The following GMDS variants were observed in gnomAD, a reference collection of about 807,000 sequenced individuals.
The protein encoded by GMDS is GDP-mannose 4,6 dehydratase.
In GMDS, 20 loss-of-function variants were observed where a neutral mutation model predicts 49.9. The observed-to-expected ratio is 0.40, with a 90% confidence interval of 0.28 to 0.58. The LOEUF is 0.58. Ranked by LOEUF, GMDS falls within the 20% of genes least tolerant of loss-of-function variation. The pLI, the probability that GMDS is intolerant of heterozygous loss-of-function variation, is 0.42. For missense variants in GMDS, 362 were observed against 481.4 expected, an observed-to-expected ratio of 0.75 and a Z score of 2.32; for synonymous variants, 177 against 178.6, an observed-to-expected ratio of 0.99 and a Z score of 0.07.
In GMDS at chr6:1,623,991, C is replaced by CCGGCTGCTACAAACCT. The variant is rs1462685856; in HGVS notation, c.*162_*177dup. 3 of 581,916 alleles carry CCGGCTGCTACAAACCT rather than the reference C, an allele frequency of 5.2e-6. No individual in the cohort carries two copies. Among genetic ancestry groups the CCGGCTGCTACAAACCT allele is most frequent in the Non-Finnish European group, 9.1e-6 (3 of 329,006 alleles). 36.0% of individuals were successfully genotyped at this position (581,916 alleles called of 1,614,324 possible). On this transcript the variant is annotated 3_prime_UTR_variant, in exon 11 of 11. Coordinates refer to ENST00000380815, the MANE Select transcript of GMDS (RefSeq NM_001500.4). Reference sequence around the variant, plus strand: ...GACCCAAACCCTGGAGGGTCACATCCCGGCTGCTACAAACCTCGGCGGGGC... The same window carrying CCGGCTGCTACAAACCT: ...GACCCAAACCCTGGAGGGTCACATCCCGGCTGCTACAAACCTCGGCTGCTACAAACCTCGGCGGGGC...
At chr6:2,227,667 T>C (rs1381686184) in intron 1 of GMDS, among the ~76,000 whole-genome samples, 2 of 152,144 alleles carry the variant, frequency 1.3e-5, no homozygotes, top group African/African-American at 2.4e-5. Context: ...GCTGGAACTA[T>C]AGGAAGGAGC....
chr6:2,069,761 A>G (rs1461356104), intron 4 of GMDS, among the ~76,000 whole-genome samples: 5 of 152,152 alleles, frequency 3.3e-5, no homozygotes, highest in African/African-American at 4.8e-5. Flanking sequence ...TAAAAAGTCA[A>G]GAAACAACAG....
chr6:1,752,633 A>T (rs1767779282), intron 7 of GMDS, among the ~76,000 whole-genome samples: 1 of 152,220 alleles, frequency 6.6e-6, no homozygotes, highest in Admixed American at 6.5e-5. Flanking sequence ...GGGCAGTCAG[A>T]GAGAAAGGTC....
chr6:1,911,151 G>A (rs944886068), intron 7 of GMDS, among the ~76,000 whole-genome samples: 3 of 151,950 alleles, frequency 2.0e-5, no homozygotes, highest in South Asian at 2.1e-4. Flanking sequence ...CAAGAGGAAC[G>A]TTTCTAAAAG....
At chr6:1,765,759 T>C (rs1327468141) in intron 7 of GMDS, among the ~76,000 whole-genome samples, 1 of 152,194 alleles carries the variant, frequency 6.6e-6, no homozygotes, top group Non-Finnish European at 1.5e-5. Context: ...AAACATGTCC[T>C]GTGCCAGATT....
At chr6:2,120,228 T>G (rs1434949339) in intron 2 of GMDS, among the ~76,000 whole-genome samples, 2 of 152,320 alleles carry the variant, frequency 1.3e-5, no homozygotes, top group South Asian at 4.1e-4. Context: ...ATTCCATGAA[T>G]GAGGATGTTG....
intron 1 of GMDS, among the ~76,000 whole-genome samples, chr6:2,141,948 GA>G (rs1219044846): frequency 6.9e-6 from 1 of 144,926 alleles, no homozygotes; most frequent in Non-Finnish European, 1.5e-5. Flanking sequence ...CCTTCTCTCC[GA>G]CCCCGCTCCT....
intron 4 of GMDS, among the ~76,000 whole-genome samples, chr6:1,973,223 A>G (rs1208654123): frequency 6.6e-6 from 1 of 152,228 alleles, no homozygotes; most frequent in Non-Finnish European, 1.5e-5. Context: ...ACAAAGCTCC[A>G]AAAGTACATA....
chr6:1,702,131 C>T lies in GMDS; in HGVS notation c.987+24285G>A, dbSNP rs143580643. Among the ~76,000 whole-genome samples the T allele has an allele frequency of 6.4e-3, 978 of 152,364 alleles. 11 individuals carry two copies. Among genetic ancestry groups the T allele is most frequent in the African/African-American group, 0.023 (937 of 41,566 alleles). On this transcript the variant is annotated intron_variant, in intron 9 of 10. Coordinates refer to ENST00000380815, the MANE Select transcript of GMDS (RefSeq NM_001500.4). ...GCGCCACAACGCCAGTCAGAGCTGG[C>T]GGTTTTCTCAGCAATGCCTGATGCA...
chr6:1,964,516 C>T (rs1764149382), intron 4 of GMDS, among the ~76,000 whole-genome samples: 1 of 152,180 alleles, frequency 6.6e-6, no homozygotes, highest in South Asian at 2.1e-4. Flanking sequence ...TCGTGGTGAA[C>T]GTTCTATATA....
chr6:2,237,230 T>C (rs895321767), intron 1 of GMDS, among the ~76,000 whole-genome samples: 2 of 152,244 alleles, frequency 1.3e-5, no homozygotes, highest in Admixed American at 1.3e-4. Flanking sequence ...ATTGGGTTAC[T>C]ACTTATGGTA....
At chr6:1,862,402 G>A (rs993282127) in intron 7 of GMDS, among the ~76,000 whole-genome samples, 2 of 152,116 alleles carry the variant, frequency 1.3e-5, no homozygotes, top group African/African-American at 4.8e-5. Context: ...AATCCGGGGG[G>A]ACATCACTGA....
At chr6:1,968,855 C>T (rs1764416143) in intron 4 of GMDS, among the ~76,000 whole-genome samples, 2 of 152,160 alleles carry the variant, frequency 1.3e-5, no homozygotes, top group South Asian at 2.1e-4. Flanking sequence ...GTAAACTCTA[C>T]AGCAGCAGGG....
rs140336462 is a variant in GMDS, at chr6:2,039,985, C to T, written c.345+75786G>A. On this transcript the variant is annotated intron_variant, in intron 4 of 10. Coordinates refer to ENST00000380815, the MANE Select transcript of GMDS (RefSeq NM_001500.4). ...TTTACACCAGCGTCACAAACACCTG[C>T]GTAACATGTTGTGCTACAATATTAC... 6.7e-4 allele frequency among the ~76,000 whole-genome samples: 102 copies of T among 152,286 alleles called. 2 individuals are homozygous for T. The highest frequency in any genetic ancestry group is 5.3e-3 in the Admixed American group (81 of 15,294).
At chr6:2,018,494 A>G (rs2127402909) in intron 4 of GMDS, among the ~76,000 whole-genome samples, 2 of 152,276 alleles carry the variant, frequency 1.3e-5, no homozygotes, top group East Asian at 3.9e-4. Context: ...GTCACTGGCC[A>G]TTTGTTCCCA....
chr6:1,686,451 A>C (rs1349400289), intron 9 of GMDS, among the ~76,000 whole-genome samples: 1 of 152,186 alleles, frequency 6.6e-6, no homozygotes, highest in African/African-American at 2.4e-5. Flanking sequence ...TGTCACTGGG[A>C]TCTCTGACAC....
intron 6 of GMDS, among the ~76,000 whole-genome samples, chr6:1,956,954 A>G (rs995096084): frequency 1.3e-5 from 2 of 151,680 alleles, no homozygotes; most frequent in Non-Finnish European, 2.9e-5. Context: ...GGCACCCACC[A>G]CCACACTCAG....
At chr6:1,799,966 C>CT (rs1397406274) in intron 7 of GMDS, among the ~76,000 whole-genome samples, 1 of 151,968 alleles carries the variant, frequency 6.6e-6, no homozygotes, top group Non-Finnish European at 1.5e-5. Flanking sequence ...ACCTTAATGT[C>CT]TTTTTTTAAA....
At chr6:2,101,244 A>C (rs970288475) in intron 4 of GMDS, among the ~76,000 whole-genome samples, 4 of 151,910 alleles carry the variant, frequency 2.6e-5, no homozygotes, top group Non-Finnish European at 5.9e-5. Context: ...TCTTTTCCCA[A>C]GTGATAGAAC....
Sources: allele counts gnomAD v4.1 joint callset (sites outside exome capture counted in the v4.1 genomes callset), GRCh38; gene constraint gnomAD v4.1.1; transcripts MANE v1.5; gene names NCBI Gene and HGNC (gene_info 2026-07-23, HGNC 2026-07-21).